Variants in SPMIP2 observed in about 807,000 individuals in gnomAD.
SPMIP2 encodes the protein protein SPMIP2.
the SPMIP2 span, among the ~76,000 whole-genome samples, chr4:159,011,741 C>T: frequency 4.2e-5 from 5 of 118,838 alleles, no homozygotes; most frequent in African/African-American, 6.8e-5. Flanking sequence ...GCAACAAGAT[C>T]GAAACTCCAT....
At chr4:159,035,096 T>C in the SPMIP2 span, 2 of 1,612,364 alleles carry the variant, frequency 1.2e-6, no homozygotes, top group East Asian at 2.2e-5. Flanking sequence ...ACAGATGCCA[T>C]GGCTAAAGTC....
At chr4:158,971,344 T>A in the SPMIP2 span, among the ~76,000 whole-genome samples, 1 of 152,144 alleles carries the variant, frequency 6.6e-6, no homozygotes, top group Non-Finnish European at 1.5e-5. Context: ...AAATCTTGGA[T>A]TTTCATTTTT....
the SPMIP2 span, among the ~76,000 whole-genome samples, chr4:158,902,588 G>A: frequency 1.3e-5 from 2 of 152,284 alleles, no homozygotes; most frequent in Admixed American, 6.5e-5. Context: ...GCCTACAGCC[G>A]CCCCTTCCCC....
At chr4:158,987,152 G>A in the SPMIP2 span, among the ~76,000 whole-genome samples, 26 of 129,716 alleles carry the variant, frequency 2.0e-4, no homozygotes, top group Non-Finnish European at 3.1e-4. Flanking sequence ...GAGAGGATGT[G>A]GAGAAATAGG....
chr4:158,975,005 G>A, the SPMIP2 span, among the ~76,000 whole-genome samples: 408 of 152,236 alleles, frequency 2.7e-3, 1 homozygote, highest in African/African-American at 9.2e-3. Flanking sequence ...CATTCTAACT[G>A]GTGTGATATG....
chr4:158,964,374 G>A, the SPMIP2 span, among the ~76,000 whole-genome samples: 3 of 152,210 alleles, frequency 2.0e-5, no homozygotes, highest in South Asian at 2.1e-4. Context: ...CTTCACAGCC[G>A]TAGTTAACAC....
At chr4:159,081,434 G>T in the SPMIP2 span, among the ~76,000 whole-genome samples, 6 of 151,910 alleles carry the variant, frequency 3.9e-5, no homozygotes, top group African/African-American at 1.2e-4. Context: ...CTCATGCCTG[G>T]AGTCCCAGCA....
the SPMIP2 span, among the ~76,000 whole-genome samples, chr4:159,028,138 G>A: frequency 6.6e-6 from 1 of 152,162 alleles, no homozygotes; most frequent in Admixed American, 6.5e-5. Flanking sequence ...CCTTCAGCAA[G>A]TCACTTAACT....
the SPMIP2 span, among the ~76,000 whole-genome samples, chr4:159,046,823 T>A: frequency 6.6e-6 from 1 of 152,254 alleles, no homozygotes; most frequent in Admixed American, 6.5e-5. Flanking sequence ...TCCACCCACC[T>A]TGGCCTCCCA....
At chr4:158,987,990 G>A in the SPMIP2 span, among the ~76,000 whole-genome samples, 41 of 151,854 alleles carry the variant, frequency 2.7e-4, no homozygotes, top group Middle Eastern at 3.4e-3. Context: ...AAAATATACT[G>A]CTAGCCAGGC....
the SPMIP2 span, among the ~76,000 whole-genome samples, chr4:158,917,170 A>G: frequency 1.3e-5 from 2 of 152,314 alleles, no homozygotes; most frequent in East Asian, 3.9e-4. Flanking sequence ...GAATCACTTG[A>G]ACCCAGGAGG....
At chr4:158,944,482 A>T in the SPMIP2 span, among the ~76,000 whole-genome samples, 1 of 152,014 alleles carries the variant, frequency 6.6e-6, no homozygotes, top group Non-Finnish European at 1.5e-5. Flanking sequence ...TTCTGCCCTT[A>T]TTCCTGTGGT....
chr4:158,935,155 C>T, the SPMIP2 span, among the ~76,000 whole-genome samples: 1 of 152,162 alleles, frequency 6.6e-6, no homozygotes, highest in Admixed American at 6.5e-5. Context: ...GTGTTTTCGC[C>T]ATACCAGACA....
At chr4:158,977,850 G>A in the SPMIP2 span, among the ~76,000 whole-genome samples, 40,927 of 151,964 alleles carry the variant, frequency 0.27, 6,295 homozygotes, top group South Asian at 0.41. Context: ...TCCTGACCTC[G>A]TGATCTGCGC....
At chr4:158,893,545 C>G in the SPMIP2 span, 1 of 586,240 alleles carries the variant, frequency 1.7e-6, no homozygotes, top group South Asian at 2.8e-5. Context: ...TTTTTCCAAA[C>G]TGTTTATTTG....
the SPMIP2 span, among the ~76,000 whole-genome samples, chr4:158,960,605 G>A: frequency 2.6e-5 from 4 of 152,136 alleles, no homozygotes; most frequent in Non-Finnish European, 5.9e-5. Flanking sequence ...AGGAAGAAGA[G>A]TGTGATGCGT....
At chr4:158,975,347 G>C in the SPMIP2 span, among the ~76,000 whole-genome samples, 91 of 152,140 alleles carry the variant, frequency 6.0e-4, no homozygotes, top group Non-Finnish European at 9.7e-4. Context: ...CATTGCTTTT[G>C]GTGTTTTAGT....
the SPMIP2 span, among the ~76,000 whole-genome samples, chr4:159,032,927 T>C: frequency 6.6e-6 from 1 of 151,968 alleles, no homozygotes; most frequent in African/African-American, 2.4e-5. Context: ...TAACACAGGA[T>C]CCAGCAATTA....
chr4:159,003,276 G>A, the SPMIP2 span, among the ~76,000 whole-genome samples: 1 of 152,066 alleles, frequency 6.6e-6, no homozygotes, highest in Admixed American at 6.6e-5. Context: ...TACTCCAGCT[G>A]AACCCTATTT....
Sources: allele counts gnomAD v4.1 joint callset (sites outside exome capture counted in the v4.1 genomes callset), GRCh38; gene constraint gnomAD v4.1.1; transcripts MANE v1.5; gene names NCBI Gene and HGNC (gene_info 2026-07-23, HGNC 2026-07-21).